The following CMTR2 variants were observed in gnomAD, a reference collection of about 807,000 sequenced individuals.
CMTR2 encodes the protein cap methyltransferase 2, also known as cap-specific mRNA (nucleoside-2'-O-)-methyltransferase 2.
A neutral mutation model predicts 49.8 loss-of-function variants in CMTR2; 40 were observed. That is an observed-to-expected ratio of 0.80 (90% CI 0.62 to 1.04). The LOEUF (loss-of-function observed/expected upper bound fraction) is 1.04, where lower values mean the gene tolerates loss of function less well. Ranked by LOEUF, CMTR2 falls within the 50% of genes least tolerant of loss-of-function variation. CMTR2 has a pLI of 0.00. For missense variants in CMTR2, 907 were observed against 897.2 expected, an observed-to-expected ratio of 1.01 and a Z score of -0.14; for synonymous variants, 326 against 315.8, an observed-to-expected ratio of 1.03 and a Z score of -0.34.
Position 71,289,240 on chromosome 16 carries a change from T to C in CMTR2, c.-184A>G, listed in dbSNP as rs1198723379. On this transcript the variant is annotated 5_prime_UTR_variant, in exon 1 of 3. Transcript: ENST00000434935. ...CTCTCGGGGCTGCTTCCCGGGATGG[T>C]CCCTCCCTTTGGGTCCGCGGCGCCT... 6.6e-6 allele frequency: 1 copy of C among 152,250 alleles called. No homozygotes were observed. The highest frequency in any genetic ancestry group is 1.5e-5 in the Non-Finnish European group (1 of 68,144). The allele number at this position is 152,250 out of a possible 1,614,324, so 9.4% of individuals were successfully genotyped here.
Position 71,284,526 on chromosome 16 carries a change from A to G in CMTR2, c.1395T>C (p.Asn465=), listed in dbSNP as rs2144842658. The change falls in exon 3 of 3, where the codon AAT becomes AAC. Residue 465 remains asparagine, a synonymous_variant. Coordinates refer to ENST00000434935, the MANE Select transcript of CMTR2 (RefSeq NM_018348.6). ...WKDKVAKGYF[N]SWAEEHGVYH... is the part of the protein sequence containing the mutation. ...ATACACCATGTTCTTCAGCCCAACTATTAAAGTATCCTTTGGCTACTTTAT... is the reference window on the plus strand; with the variant it reads ...ATACACCATGTTCTTCAGCCCAACTGTTAAAGTATCCTTTGGCTACTTTAT... 1.2e-6 allele frequency: 2 copies of G among 1,613,830 alleles called. No individual in the cohort carries two copies. Among genetic ancestry groups the G allele is most frequent in the Middle Eastern group, 3.3e-4 (2 of 6,062 alleles).
chr16:71,282,090 C>T lies in CMTR2; in HGVS notation c.*1518G>A, dbSNP rs886135078. On this transcript the variant is annotated 3_prime_UTR_variant, in exon 3 of 3. Coordinates refer to ENST00000434935, the MANE Select transcript of CMTR2 (RefSeq NM_018348.6). ...ATCTACTTCCAGGCCTCCACACACTCCTCTTCCAATCCCCCTTAAGTATTC... is the reference window on the plus strand; with the variant it reads ...ATCTACTTCCAGGCCTCCACACACTTCTCTTCCAATCCCCCTTAAGTATTC... 1.3e-5 allele frequency: 2 copies of T among 151,886 alleles called. No individual in the cohort carries two copies. Among genetic ancestry groups the T allele is most frequent in the African/African-American group, 4.8e-5 (2 of 41,410 alleles). The allele number at this position is 151,886 out of a possible 1,614,324, so 9.4% of individuals were successfully genotyped here.
rs777533581 is a variant in CMTR2 at position 71,285,823 on chromosome 16, T to C, written c.98A>G (p.Asn33Ser). 9 of 1,614,096 alleles carry C rather than the reference T, an allele frequency of 5.6e-6. No homozygotes were observed. Among genetic ancestry groups the C allele is most frequent in the Non-Finnish European group, 7.6e-6 (9 of 1,179,982 alleles). The change falls in exon 3 of 3, where the codon AAC becomes AGC. Residue 33 changes from asparagine to serine, a missense_variant. Asn to Ser is a conservative substitution (Grantham distance 46, BLOSUM62 1). Coordinates refer to ENST00000434935, the MANE Select transcript of CMTR2 (RefSeq NM_018348.6). ...ATTAAGTGGCTTGCCATAAGAAAAG[T>C]TCTTGGCAAAGAGTTCAAAAATGTC... ...LADIFELFAK[N>S]FSYGKPLNNE...
In CMTR2 at chr16:71,284,728, T is replaced by G; in HGVS notation, c.1193A>C (p.Asp398Ala). ...AEQEKLNNLR[D>A]CAIQYFMQKF... ...TTGCATAAAATATTGTATAGCACAATCCCTTAAATTATTCAGCTTTTCTTG... is the reference window on the plus strand; with the variant it reads ...TTGCATAAAATATTGTATAGCACAAGCCCTTAAATTATTCAGCTTTTCTTG... The change falls in exon 3 of 3, where the codon GAT becomes GCT. Residue 398 changes from aspartate (D) to alanine (A), a missense_variant. Coordinates refer to ENST00000434935, the MANE Select transcript of CMTR2 (RefSeq NM_018348.6). 1 of 1,613,554 alleles carries G rather than the reference T, an allele frequency of 6.2e-7. No homozygotes were observed. The highest frequency in any genetic ancestry group is 8.5e-7 in the Non-Finnish European group (1 of 1,179,738).
At position 71,283,812 on chromosome 16, in the gene CMTR2, C is replaced by G. The variant is rs776452784; in HGVS notation, c.2109G>C (p.Gln703His). The change falls in exon 3 of 3, where the codon CAG becomes CAC. Residue 703 changes from glutamine to histidine, a missense_variant. Coordinates refer to ENST00000434935, the MANE Select transcript of CMTR2 (RefSeq NM_018348.6). ...AAGTGCTCAACAATTCATTCACACT[C>G]TGCAAATATCGGAAAACTGGATTTG... Reference protein sequence around the residue: ...DLPNPVFRYLQSVNELLSTLL... With the variant: ...DLPNPVFRYLHSVNELLSTLL... The G allele has an allele frequency of 6.2e-7, 1 of 1,613,842 alleles. No homozygotes were observed. Among genetic ancestry groups the G allele is most frequent in the African/African-American group, 1.3e-5 (1 of 74,934 alleles).
At position 71,281,811 on chromosome 16, in the gene CMTR2, T is replaced by C. The variant is rs2041615500; in HGVS notation, c.*1797A>G. 6.6e-6 allele frequency: 1 copy of C among 152,058 alleles called. No homozygotes were observed. Among genetic ancestry groups the C allele is most frequent in the African/African-American group, 2.4e-5 (1 of 41,460 alleles). The allele number at this position is 152,058 out of a possible 1,614,324, so 9.4% of individuals were successfully genotyped here. ...ACTTATTTGAAGGGCTTAAAGACAG[T>C]AATAATGCTAGAATCTGGACCCATG... On this transcript the variant is annotated 3_prime_UTR_variant, in exon 3 of 3. Coordinates refer to ENST00000434935, the MANE Select transcript of CMTR2 (RefSeq NM_018348.6).
chr16:71,286,066 T>A, intron 2 of CMTR2, 127 bp from the exon 3 acceptor site: 1 of 623,962 alleles, frequency 1.6e-6, no homozygotes. Context: ...GCATACTCTG[T>A]TATTTAACCA....
chr16:71,287,725 T>C (rs2041753286), intron 2 of CMTR2: 1 of 152,242 alleles, frequency 6.6e-6, no homozygotes, highest in Non-Finnish European at 1.5e-5. Context: ...TCAGCCACTA[T>C]GCCTGTTTTT....
chr16:71,283,830 TG>T lies in CMTR2; in HGVS notation c.2090del (p.Pro697GlnfsTer9). 6.2e-7 allele frequency: 1 copy of T among 1,613,952 alleles called. No homozygotes were observed. On this transcript the variant is annotated frameshift_variant, in exon 3 of 3. Transcript: ENST00000434935. LOFTEE classifies it high-confidence loss of function. Reference sequence around the variant, plus strand: ...TCACACTCTGCAAATATCGGAAAACTGGATTTGGAAGGTCCTGATAACCAAC... The same window carrying T: ...TCACACTCTGCAAATATCGGAAAACTGATTTGGAAGGTCCTGATAACCAAC... The part of the protein sequence containing the change: ...LCVGYQDLPN[P>X]VFRYLQSVNE...
In CMTR2 at chr16:71,286,214, C is replaced by T. The variant is rs149800879; in HGVS notation, c.-19-275G>A. On this transcript the variant is annotated intron_variant, in intron 2 of 2. Coordinates refer to ENST00000434935, the MANE Select transcript of CMTR2 (RefSeq NM_018348.6). Reference sequence around the variant, plus strand: ...GGTTTCTTCTCATTAAAAAAAAAAGCCTATCATTTTTTAAGAAGAAGATAA... The same window carrying T: ...GGTTTCTTCTCATTAAAAAAAAAAGTCTATCATTTTTTAAGAAGAAGATAA... Among the ~76,000 whole-genome samples, 223 of 119,476 alleles carry T rather than the reference C, an allele frequency of 1.9e-3. 1 individual carries two copies. The highest frequency in any genetic ancestry group is 6.6e-3 in the African/African-American group (214 of 32,358). 78.4% of individuals were successfully genotyped at this position (119,476 alleles called of 152,430 possible). A position where few individuals can be genotyped will look rare whatever the true frequency, so the allele number is the denominator to read the frequency against.
chr16:71,284,046 T>C lies in CMTR2; in HGVS notation c.1875A>G (p.Leu625=), dbSNP rs1175084623. The C allele has an allele frequency of 5.0e-6, 8 of 1,614,040 alleles. 1 individual carries two copies. In the Admixed American group the frequency reaches 5.0e-5, roughly 10 times the overall value. ...LHDGDPTYQR[L]FLDCLLHSLR... The stretch of plus-strand genomic sequence containing the variant: ...ATGAATGTAGAAGGCAGTCCAAAAA[T>C]AAACGCTGGTAAGTTGGATCTCCAT... Residue 625 remains leucine, a synonymous_variant, in exon 3 of 3, where the codon TTA becomes TTG. Transcript: ENST00000434935.
chr16:71,285,159 C>T lies in CMTR2; in HGVS notation c.762G>A (p.Leu254=). The T allele has an allele frequency of 1.9e-6, 3 of 1,614,160 alleles. No homozygotes were observed. Among genetic ancestry groups the T allele is most frequent in the African/African-American group, 1.3e-5 (1 of 75,062 alleles). Residue 254 remains leucine, a synonymous_variant, in exon 3 of 3, where the codon TTG becomes TTA. Coordinates refer to ENST00000434935, the MANE Select transcript of CMTR2 (RefSeq NM_018348.6). The stretch of plus-strand genomic sequence containing the variant: ...GAGCAGTGACAACTTCACAGTAATG[C>T]AAAGAAGAAACTAAAGCTTCTTGTT... ...PGEQEALVSS[L]HYCEVVTALT...
In CMTR2 at chr16:71,285,178, T is replaced by G. The variant is rs1186919243; in HGVS notation, c.743A>C (p.Glu248Ala). The G allele has an allele frequency of 1.2e-6, 2 of 1,614,016 alleles. No individual in the cohort carries two copies. The highest frequency in any genetic ancestry group is 2.7e-5 in the African/African-American group (2 of 74,930). ...GTAATGCAAAGAAGAAACTAAAGCT[T>G]CTTGTTCACCTGGGTTTCCTTGGCA... ...FDCQGNPGEQ[E>A]ALVSSLHYCE... Residue 248 changes from glutamate (E) to alanine (A), a missense_variant, in exon 3 of 3, where the codon GAA becomes GCA. Glu to Ala is a moderately radical substitution (Grantham distance 107, BLOSUM62 -1). Transcript: ENST00000434935.
Position 71,284,033 on chromosome 16 carries a change from G to A in CMTR2, c.1888C>T (p.Leu630Phe), listed in dbSNP as rs1199545055. 3 of 1,614,026 alleles carry A rather than the reference G, an allele frequency of 1.9e-6. No individual in the cohort carries two copies. The highest frequency in any genetic ancestry group is 1.7e-6 in the Non-Finnish European group (2 of 1,179,930). Residue 630 changes from leucine (L) to phenylalanine (F), a missense_variant, in exon 3 of 3, where the codon CTT (leucine) becomes TTT (phenylalanine). Physicochemically the swap from Leu to Phe is conservative, Grantham distance 22. Transcript: ENST00000434935. Reference protein sequence around the residue: ...PTYQRLFLDCLLHSLRELHTG... With the variant: ...PTYQRLFLDCFLHSLRELHTG... ...TGAAGCTCCCGCAATGAATGTAGAA[G>A]GCAGTCCAAAAATAAACGCTGGTAA...
chr16:71,286,705 G>C (rs1040877837), intron 2 of CMTR2: 1 of 151,852 alleles, frequency 6.6e-6, no homozygotes, highest in South Asian at 2.1e-4. Flanking sequence ...GCTTGATGCT[G>C]AAAGTGACCA....
intron 2 of CMTR2, chr16:71,288,546 G>A (rs2041770939): frequency 6.6e-6 from 1 of 151,706 alleles, no homozygotes; most frequent in Admixed American, 6.6e-5. Flanking sequence ...TAAATGAGTG[G>A]ATATCATACT....
chr16:71,284,955 C>G lies in CMTR2; in HGVS notation c.966G>C (p.Gly322=), dbSNP rs545143363. 162 of 1,614,016 alleles carry G rather than the reference C, an allele frequency of 1.0e-4. No homozygotes were observed. The highest frequency in any genetic ancestry group is 1.3e-4 in the Non-Finnish European group (155 of 1,179,972). Residue 322 remains glycine (G), a synonymous_variant, in exon 3 of 3, where the codon GGG becomes GGC. Transcript: ENST00000434935. The part of the protein sequence containing the change: ...EVYVVCLHYK[G]REAIHPLLSK... ...ATAACAGAGGATGGATGGCCTCTCT[C>G]CCCTTATAGTGGAGGCAAACCACAT...
intron 2 of CMTR2, 144 bp from the exon 3 acceptor site, chr16:71,286,083 C>T (rs10775325): frequency 0.79 from 431,771 of 544,192 alleles, 172,190 homozygotes; most frequent in African/African-American, 0.89. Context: ...ACCAAGTAAT[C>T]TGGAATAATG....
At chr16:71,289,439 G>T (rs1055546980), upstream of CMTR2, 11 of 152,240 alleles carry the variant, frequency 7.2e-5, no homozygotes, top group African/African-American at 2.4e-4. Flanking sequence ...GGCCGGGCCG[G>T]AGTCACGTGC....
Sources: gnomAD v4.1 joint callset for allele counts (sites outside exome capture counted in the v4.1 genomes callset) on GRCh38, gnomAD v4.1.1 for gene constraint, MANE v1.5 for transcripts, NCBI Gene and HGNC (gene_info 2026-07-23, HGNC 2026-07-21) for gene names.